TPD52L1: variants seen among roughly 807,000 people sequenced by gnomAD.
TPD52L1 encodes tumor protein D53.
A neutral mutation model predicts 28.7 loss-of-function variants in TPD52L1; 18 were observed. The observed-to-expected ratio is 0.63, with a 90% confidence interval of 0.43 to 0.93. TPD52L1 has a LOEUF of 0.93. Ranked by LOEUF, TPD52L1 falls within the 40% of genes least tolerant of loss-of-function variation. TPD52L1 has a pLI of 0.00. For synonymous variants in TPD52L1, 75 were observed against 88.8 expected (o/e 0.84, Z 0.88); for missense variants, 203 against 254.8 (o/e 0.80, Z 1.39).
intron 3 of TPD52L1, among the ~76,000 whole-genome samples, chr6:125,243,497 A>AT (rs1442621310): frequency 6.6e-6 from 1 of 151,108 alleles, no homozygotes; most frequent in Non-Finnish European, 1.5e-5. Context: ...GGCTTTGTTC[A>AT]TTTTTTTTCT....
chr6:125,215,950 CT>C (rs1794837466), intron 1 of TPD52L1, among the ~76,000 whole-genome samples: 1 of 152,162 alleles, frequency 6.6e-6, no homozygotes, highest in Admixed American at 6.5e-5. Flanking sequence ...TGAGCAGTAT[CT>C]GTAAGTCCTT....
At chr6:125,173,404 C>G (rs147921941) in intron 1 of TPD52L1, among the ~76,000 whole-genome samples, 1 of 152,146 alleles carries the variant, frequency 6.6e-6, no homozygotes, top group Non-Finnish European at 1.5e-5. Flanking sequence ...CTGTTGTTCT[C>G]TGCCATTTTT....
intron 3 of TPD52L1, among the ~76,000 whole-genome samples, chr6:125,235,360 G>T (rs1405063135): frequency 6.6e-6 from 1 of 151,994 alleles, no homozygotes; most frequent in South Asian, 2.1e-4. Flanking sequence ...AAGGAGAATT[G>T]TCTTGGGCCA....
Position 125,261,003 on chromosome 6 carries a change from AAAG to A in TPD52L1, c.487-1828_487-1826del, listed in dbSNP as rs1162647068. On this transcript the variant is annotated intron_variant, in intron 6 of 6. Coordinates refer to ENST00000534000, the MANE Select transcript of TPD52L1 (RefSeq NM_003287.4). ...AAAGAAAAGAAAGAAAGAAAGAAAGAAAGAAAGAAAGAAAGAAAAGAAAAGAAA... is the reference window on the plus strand; with the variant it reads ...AAAGAAAAGAAAGAAAGAAAGAAAGAAAAGAAAGAAAGAAAAGAAAAGAAA... 36 of 46,198 alleles carry A rather than the reference AAAG, an allele frequency of 7.8e-4. 2 individuals carry two copies. The highest frequency in any genetic ancestry group is 3.0e-3 in the South Asian group (3 of 992). The allele number at this position is 46,198 out of a possible 1,614,324, so 2.9% of individuals were successfully genotyped here.
chr6:125,179,749 A>C (rs3799770), intron 1 of TPD52L1, among the ~76,000 whole-genome samples: 18,613 of 152,186 alleles, frequency 0.12, 1,296 homozygotes, highest in East Asian at 0.36. Context: ...AACTAACTAA[A>C]TTCTTTTTCT....
intron 1 of TPD52L1, among the ~76,000 whole-genome samples, chr6:125,188,966 GC>G (rs1792852412): frequency 6.6e-6 from 1 of 152,232 alleles, no homozygotes; most frequent in Admixed American, 6.5e-5. Context: ...CCAAAGCCTT[GC>G]AATACTTTTA....
Position 125,262,960 on chromosome 6 carries a change from T to C in TPD52L1, c.613T>C (p.Ter205GlnextTer49). The C allele has an allele frequency of 1.2e-6, 2 of 1,613,104 alleles. No homozygotes were observed. Among genetic ancestry groups the C allele is most frequent in the South Asian group, 2.2e-5 (2 of 91,006 alleles). The change falls in exon 7 of 7, where the codon TAA (stop) becomes CAA (glutamine). Residue 205 changes from the stop codon to glutamine, a stop_lost. Transcript: ENST00000534000. The stretch of plus-strand genomic sequence containing the variant: ...GACCAAGGAGGAGGAGCTGCAGTGC[T>C]AAGTCCAGCCAGCGTGCAGCTGCAT... ...RRTKEEELQC[*>Q]
At chr6:125,244,052 G>A (rs187818784) in intron 3 of TPD52L1, among the ~76,000 whole-genome samples, 13 of 151,898 alleles carry the variant, frequency 8.6e-5, no homozygotes, top group Non-Finnish European at 1.9e-4. Flanking sequence ...GTGCTTGTAG[G>A]GTTGAAGACT....
intron 6 of TPD52L1, chr6:125,261,791 G>A (rs566983072): frequency 2.9e-4 from 44 of 152,062 alleles, no homozygotes; most frequent in Non-Finnish European, 6.2e-4. Flanking sequence ...ATTCCTTCAT[G>A]TTTCTATGCT....
At chr6:125,158,145 T>G (rs1177162940) in intron 1 of TPD52L1, among the ~76,000 whole-genome samples, 1 of 152,170 alleles carries the variant, frequency 6.6e-6, no homozygotes, top group Non-Finnish European at 1.5e-5. Context: ...ATAATCTCTC[T>G]CTCTCTCAAG....
chr6:125,246,784 T>C (rs1796946216), intron 3 of TPD52L1, among the ~76,000 whole-genome samples: 1 of 151,860 alleles, frequency 6.6e-6, no homozygotes, highest in Admixed American at 6.6e-5. Flanking sequence ...CACACAGTCC[T>C]CTCCAGAGAC....
chr6:125,173,326 A>G (rs2114793760), intron 1 of TPD52L1, among the ~76,000 whole-genome samples: 1 of 152,318 alleles, frequency 6.6e-6, no homozygotes, highest in Non-Finnish European at 1.5e-5. Context: ...GGTCCAAGGA[A>G]TGGTTTATAG....
chr6:125,206,800 T>C (rs1794177410), intron 1 of TPD52L1, among the ~76,000 whole-genome samples: 1 of 123,458 alleles, frequency 8.1e-6, no homozygotes, highest in Non-Finnish European at 1.8e-5. Flanking sequence ...GTAGATTGGG[T>C]GGTGGAGAAA....
Position 125,153,875 on chromosome 6 carries a change from T to G in TPD52L1, c.-77T>G. 3 of 1,522,974 alleles carry G rather than the reference T, an allele frequency of 2.0e-6. No individual in the cohort carries two copies. The highest frequency in any genetic ancestry group is 2.6e-6 in the Non-Finnish European group (3 of 1,134,542). 94.3% of individuals were successfully genotyped at this position (1,522,974 alleles called of 1,614,324 possible). A position where few individuals can be genotyped will look rare whatever the true frequency, so the allele number is the denominator to read the frequency against. On this transcript the variant is annotated 5_prime_UTR_variant, in exon 1 of 7. Transcript: ENST00000534000. ...GCGAGCGGCGGGGCCAGCTGCGTTC[T>G]GAGCCTGGGCGCAGCTGCCATCTGC... is the stretch of plus-strand genomic sequence containing the variant.
Position 125,205,233 on chromosome 6 carries a change from TATG to T in TPD52L1, c.20-14842_20-14840del, listed in dbSNP as rs1794044688. 2.0e-5 allele frequency among the ~76,000 whole-genome samples: 3 copies of T among 152,242 alleles called. 1 individual carries two copies. The South Asian group carries it at 6.2e-4, about 32-fold the overall frequency. ...AGAAAACACAGGTGAAGCCTTGGAA[TATG>T]ATATGTCTCAAATATGCAGCAAACT... On this transcript the variant is annotated intron_variant, in intron 1 of 6. Coordinates refer to ENST00000534000, the MANE Select transcript of TPD52L1 (RefSeq NM_003287.4).
At chr6:125,156,734 A>G (rs1030822112) in intron 1 of TPD52L1, among the ~76,000 whole-genome samples, 1 of 152,122 alleles carries the variant, frequency 6.6e-6, no homozygotes, top group Admixed American at 6.6e-5. Context: ...ACATCACTGC[A>G]CCCCAGCTTG....
chr6:125,219,552 G>A (rs1033024393), intron 1 of TPD52L1, among the ~76,000 whole-genome samples: 1 of 152,242 alleles, frequency 6.6e-6, no homozygotes, highest in African/African-American at 2.4e-5. Flanking sequence ...TCAGGGTCAC[G>A]AGTTCTCAGG....
intron 1 of TPD52L1, among the ~76,000 whole-genome samples, chr6:125,190,427 C>T (rs1381281008): frequency 1.3e-5 from 2 of 152,082 alleles, no homozygotes; most frequent in Admixed American, 6.6e-5. Flanking sequence ...TGTCCCAGCA[C>T]GCTTTACAGC....
At chr6:125,156,386 A>C (rs1790121441) in intron 1 of TPD52L1, among the ~76,000 whole-genome samples, 1 of 148,730 alleles carries the variant, frequency 6.7e-6, no homozygotes, top group Non-Finnish European at 1.5e-5. Context: ...GGATTGCTTG[A>C]GGTCAGAAGT....
Sources: allele counts gnomAD v4.1 joint callset (sites outside exome capture counted in the v4.1 genomes callset), GRCh38; gene constraint gnomAD v4.1.1; transcripts MANE v1.5; gene names NCBI Gene and HGNC (gene_info 2026-07-23, HGNC 2026-07-21).